CDYL: variants seen among roughly 807,000 people sequenced by gnomAD.
The protein encoded by CDYL is chromodomain Y like.
A neutral mutation model predicts 47.3 loss-of-function variants in CDYL; 8 were observed. That is an observed-to-expected ratio of 0.17 (90% CI 0.10 to 0.31). The LOEUF is 0.31. Among genes scored for constraint, CDYL ranks in the 10% least tolerant of loss-of-function variants. The pLI is 1.00. For synonymous variants in CDYL, 266 were observed against 265.0 expected (o/e 1.00, Z -0.04); for missense variants, 471 against 701.4 (o/e 0.67, Z 3.71).
chr6:4,921,714 C>CT (rs1322666045), intron 2 of CDYL, among the ~76,000 whole-genome samples: 1 of 152,142 alleles, frequency 6.6e-6, no homozygotes, highest in African/African-American at 2.4e-5. Context: ...CATGGTAAAC[C>CT]TTCATCATCC....
intron 1 of CDYL, among the ~76,000 whole-genome samples, chr6:4,710,936 C>T (rs1757141988): frequency 6.6e-6 from 1 of 152,044 alleles, no homozygotes; most frequent in South Asian, 2.1e-4. Flanking sequence ...CACACACACA[C>T]ACACACACAC....
intron 1 of CDYL, among the ~76,000 whole-genome samples, chr6:4,819,637 A>T (rs2127447896): frequency 6.6e-6 from 1 of 152,062 alleles, no homozygotes; most frequent in East Asian, 1.9e-4. Flanking sequence ...ATCTTCCTTG[A>T]TCTCTGCTTA....
chr6:4,940,018 G>T (rs562549475), intron 4 of CDYL, among the ~76,000 whole-genome samples: 1 of 152,286 alleles, frequency 6.6e-6, no homozygotes, highest in African/African-American at 2.4e-5. Flanking sequence ...TCCCTCCAGC[G>T]TTGAATTCCC....
intron 1 of CDYL, among the ~76,000 whole-genome samples, chr6:4,707,476 G>A (rs1460982760): frequency 2.0e-5 from 3 of 152,108 alleles, no homozygotes; most frequent in South Asian, 2.1e-4. Flanking sequence ...GTTTCACCAC[G>A]TTGGCCAGGA....
chr6:4,786,909 C>A (rs1758770823), intron 1 of CDYL, among the ~76,000 whole-genome samples: 1 of 152,198 alleles, frequency 6.6e-6, no homozygotes, highest in Non-Finnish European at 1.5e-5. Context: ...TGCCAGGTCC[C>A]TCGAGTTGAG....
intron 1 of CDYL, chr6:4,715,634 C>T: frequency 1.8e-6 from 2 of 1,085,604 alleles, no homozygotes; most frequent in South Asian, 1.9e-5. Flanking sequence ...AATGCTGGCT[C>T]ACTCTCAGAT....
chr6:4,739,591 T>A lies in CDYL; in HGVS notation c.186+4747T>A, dbSNP rs371572530. ...TTTTATACAGTATAATACCACTTAT[T>A]TAAATATTCTTAAATACCAAAGCAA... On this transcript the variant is annotated intron_variant, in intron 3 of 8. Transcript: ENST00000328908. 8.2e-4 allele frequency among the ~76,000 whole-genome samples: 125 copies of A among 152,114 alleles called. 1 individual carries two copies. In the South Asian group the frequency reaches 0.016, roughly 20 times the overall value.
At chr6:4,873,086 A>G (rs1761520010) in intron 1 of CDYL, among the ~76,000 whole-genome samples, 1 of 152,240 alleles carries the variant, frequency 6.6e-6, no homozygotes, top group South Asian at 2.1e-4. Flanking sequence ...TATACAATAC[A>G]CATATATAGA....
chr6:4,804,320 C>T (rs896961595), intron 1 of CDYL, among the ~76,000 whole-genome samples: 1 of 152,180 alleles, frequency 6.6e-6, no homozygotes, highest in Non-Finnish European at 1.5e-5. Flanking sequence ...TGTTGAAGTG[C>T]GGGGCGCTGC....
intron 2 of CDYL, among the ~76,000 whole-genome samples, chr6:4,914,311 G>A (rs116236902): frequency 0.015 from 2,201 of 151,536 alleles, 60 homozygotes; most frequent in African/African-American, 0.049. Context: ...AGGAGAGTAC[G>A]GCTCCGTGCT....
intron 2 of CDYL, among the ~76,000 whole-genome samples, chr6:4,730,674 C>CAAAA (rs56956798): frequency 1.2e-4 from 7 of 60,446 alleles, no homozygotes; most frequent in East Asian, 6.7e-4. Context: ...AATTCCATCT[C>CAAAA]AAAAAAAAAA....
chr6:4,708,746 C>T (rs1053476705), intron 1 of CDYL, among the ~76,000 whole-genome samples: 13 of 152,142 alleles, frequency 8.5e-5, no homozygotes, highest in African/African-American at 3.1e-4. Flanking sequence ...AGGCTGGGCA[C>T]AGTGGCTCAC....
At chr6:4,866,317 A>G (rs1761322204) in intron 1 of CDYL, among the ~76,000 whole-genome samples, 2 of 152,310 alleles carry the variant, frequency 1.3e-5, no homozygotes, top group South Asian at 4.1e-4. Context: ...ACAAGGATAC[A>G]GTTAAGAGGA....
chr6:4,913,319 A>G (rs1190210561), intron 2 of CDYL, among the ~76,000 whole-genome samples: 2 of 152,182 alleles, frequency 1.3e-5, no homozygotes, highest in African/African-American at 2.4e-5. Flanking sequence ...AAAGCATTAC[A>G]TCGGTAATTT....
chr6:4,726,353 G>A (rs1757512195), intron 2 of CDYL, among the ~76,000 whole-genome samples: 2 of 152,062 alleles, frequency 1.3e-5, no homozygotes, highest in African/African-American at 2.4e-5. Context: ...TGACCAACAT[G>A]GTGAAACCCT....
intron 2 of CDYL, among the ~76,000 whole-genome samples, chr6:4,895,607 C>A (rs575599595): frequency 1.3e-5 from 2 of 151,590 alleles, no homozygotes; most frequent in South Asian, 2.1e-4. Flanking sequence ...TTCAAAACTT[C>A]GAGCCAACAA....
chr6:4,794,398 G>C (rs549430384), intron 1 of CDYL, among the ~76,000 whole-genome samples: 1 of 152,256 alleles, frequency 6.6e-6, no homozygotes, highest in East Asian at 1.9e-4. Context: ...GGAGTATGGA[G>C]ACTGGAGTCT....
chr6:4,948,107 C>A (rs1158541858), intron 5 of CDYL, among the ~76,000 whole-genome samples: 1 of 152,198 alleles, frequency 6.6e-6, no homozygotes, highest in Non-Finnish European at 1.5e-5. Context: ...TGCCAGTTAA[C>A]CCTGTCCCGG....
intron 1 of CDYL, among the ~76,000 whole-genome samples, chr6:4,861,073 A>G (rs1761155079): frequency 1.3e-5 from 2 of 152,266 alleles, no homozygotes; most frequent in Non-Finnish European, 2.9e-5. Flanking sequence ...AAGTGAGACT[A>G]GTTCATTAAC....
Sources: gnomAD v4.1 joint callset for allele counts (sites outside exome capture counted in the v4.1 genomes callset) on GRCh38, gnomAD v4.1.1 for gene constraint, MANE v1.5 for transcripts, NCBI Gene and HGNC (gene_info 2026-07-23, HGNC 2026-07-21) for gene names.